The following SMAP1 variants were observed in gnomAD, a reference collection of about 807,000 sequenced individuals.
SMAP1 encodes the protein stromal membrane-associated protein 1.
SMAP1 carries 24 observed loss-of-function variants against 58.5 expected under a neutral mutation model. The ratio of observed to expected loss-of-function variants is 0.41; its 90% CI spans 0.30 to 0.58. The LOEUF is 0.58. Among genes scored for constraint, SMAP1 ranks in the 20% least tolerant of loss-of-function variants. The pLI is 0.29. For missense variants in SMAP1, 563 were observed against 566.3 expected, an observed-to-expected ratio of 0.99 and a Z score of 0.06; for synonymous variants, 216 against 196.6, an observed-to-expected ratio of 1.10 and a Z score of -0.82.
intron 1 of SMAP1, among the ~76,000 whole-genome samples, chr6:70,729,492 T>TGTGTGTGC (rs1765339913): frequency 6.6e-6 from 1 of 150,828 alleles, no homozygotes; most frequent in African/African-American, 2.4e-5. Flanking sequence ...TGTGTGTGTG[T>TGTGTGTGC]GTATGTGTGT....
At chr6:70,737,731 G>C (rs1765670882) in intron 2 of SMAP1, among the ~76,000 whole-genome samples, 2 of 152,114 alleles carry the variant, frequency 1.3e-5, no homozygotes. Flanking sequence ...ATCAGTCTTT[G>C]GTTTGATTAA....
intron 8 of SMAP1, among the ~76,000 whole-genome samples, chr6:70,852,982 C>G (rs952902563): frequency 6.6e-6 from 1 of 152,234 alleles, no homozygotes; most frequent in East Asian, 1.9e-4. Flanking sequence ...CTAACCCTTG[C>G]TTTAGGGAAA....
chr6:70,792,842 G>T (rs1172568287), intron 5 of SMAP1, among the ~76,000 whole-genome samples: 3 of 151,960 alleles, frequency 2.0e-5, no homozygotes, highest in Admixed American at 6.6e-5. Flanking sequence ...TAAGCGTTGG[G>T]GGGTGGGTGT....
intron 6 of SMAP1, among the ~76,000 whole-genome samples, chr6:70,811,824 G>A (rs1227090621): frequency 6.6e-6 from 1 of 152,166 alleles, no homozygotes. Context: ...AGGGCCAACT[G>A]TATCCAGTAG....
chr6:70,802,717 G>T (rs535327761), intron 6 of SMAP1, among the ~76,000 whole-genome samples: 3 of 152,128 alleles, frequency 2.0e-5, no homozygotes, highest in African/African-American at 7.2e-5. Flanking sequence ...TAGCATGAAG[G>T]GCTGTTGAAT....
Position 70,858,217 on chromosome 6 carries a change from G to C in SMAP1, c.1257G>C (p.Trp419Cys), listed in dbSNP as rs763794897. Residue 419 changes from tryptophan to cysteine, a missense_variant, in exon 10 of 11, where the codon TGG becomes TGC. By Grantham distance (215) the Trp-to-Cys change is radical. Transcript: ENST00000370455. ...FGLPQAQQPQWSLSQMNQQMA... is the reference protein window; with the variant it reads ...FGLPQAQQPQCSLSQMNQQMA... ...TGCCGCAAGCTCAGCAGCCCCAGTGGAGCCTCTCACAGGTAGGGGTCATTT... is the reference window on the plus strand; with the variant it reads ...TGCCGCAAGCTCAGCAGCCCCAGTGCAGCCTCTCACAGGTAGGGGTCATTT... The C allele has an allele frequency of 6.2e-7, 1 of 1,612,806 alleles. No homozygotes were observed. Among genetic ancestry groups the C allele is most frequent in the Non-Finnish European group, 8.5e-7 (1 of 1,179,688 alleles).
intron 1 of SMAP1, among the ~76,000 whole-genome samples, chr6:70,679,355 G>A (rs1056876199): frequency 6.6e-6 from 1 of 152,112 alleles, no homozygotes; most frequent in African/African-American, 2.4e-5. Context: ...AGAGTTGGGT[G>A]TATTTAAGAT....
At chr6:70,721,123 G>GAA in intron 1 of SMAP1, among the ~76,000 whole-genome samples, 1 of 152,142 alleles carries the variant, frequency 6.6e-6, no homozygotes, top group East Asian at 1.9e-4. Flanking sequence ...TTTCTCCCTA[G>GAA]AAAATGGGTT....
intron 3 of SMAP1, among the ~76,000 whole-genome samples, chr6:70,760,120 T>C (rs1766688387): frequency 6.6e-6 from 1 of 152,136 alleles, no homozygotes; most frequent in Non-Finnish European, 1.5e-5. Flanking sequence ...CTGCCACATT[T>C]AAGTCTTGAT....
chr6:70,717,632 A>G (rs1456904436), intron 1 of SMAP1, among the ~76,000 whole-genome samples: 1 of 152,184 alleles, frequency 6.6e-6, no homozygotes. Flanking sequence ...ATCTGTGTAT[A>G]CATGTTTATT....
chr6:70,740,635 C>T (rs956459466), intron 2 of SMAP1, among the ~76,000 whole-genome samples: 1 of 151,984 alleles, frequency 6.6e-6, no homozygotes, highest in Non-Finnish European at 1.5e-5. Flanking sequence ...AGTTTGGGGT[C>T]CTATCCTGGA....
At chr6:70,745,831 A>T (rs904895841) in intron 2 of SMAP1, among the ~76,000 whole-genome samples, 14 of 152,030 alleles carry the variant, frequency 9.2e-5, no homozygotes, top group African/African-American at 3.1e-4. Context: ...CCATTTGTTT[A>T]TGTCCTCTTT....
At chr6:70,784,134 T>A (rs928328454) in intron 4 of SMAP1, among the ~76,000 whole-genome samples, 33 of 152,112 alleles carry the variant, frequency 2.2e-4, no homozygotes, top group African/African-American at 8.0e-4. Context: ...CAGAAGAGAG[T>A]GGGGGCCAAT....
At chr6:70,787,526 G>T (rs1187875268) in intron 4 of SMAP1, among the ~76,000 whole-genome samples, 1 of 152,008 alleles carries the variant, frequency 6.6e-6, no homozygotes, top group Non-Finnish European at 1.5e-5. Context: ...TACAAAATGG[G>T]AGAAAATTTT....
At chr6:70,821,375 C>A (rs961955715) in intron 6 of SMAP1, among the ~76,000 whole-genome samples, 1 of 151,932 alleles carries the variant, frequency 6.6e-6, no homozygotes, top group South Asian at 2.1e-4. Flanking sequence ...ACATTTGAGT[C>A]GTTTCTGGCT....
At position 70,831,152 on chromosome 6, in the gene SMAP1, C is replaced by T. The variant is rs182818539; in HGVS notation, c.577-5789C>T. Among the ~76,000 whole-genome samples the T allele has an allele frequency of 1.9e-4, 29 of 152,330 alleles. 1 individual carries two copies. The highest frequency in any genetic ancestry group is 1.0e-3 in the Admixed American group (16 of 15,300). ...AGCTGAGGCCAGCCATGATTTTCCC[C>T]TTCAGTCAGAGACTGAGTACCTGTC... On this transcript the variant is annotated intron_variant, in intron 6 of 10. Transcript: ENST00000370455.
intron 1 of SMAP1, among the ~76,000 whole-genome samples, chr6:70,717,202 T>C (rs1216834025): frequency 1.3e-5 from 2 of 152,206 alleles, no homozygotes; most frequent in East Asian, 3.8e-4. Flanking sequence ...ATTCTATCTT[T>C]AGGGAGAAGC....
intron 2 of SMAP1, among the ~76,000 whole-genome samples, chr6:70,748,945 AC>A (rs1286414442): frequency 3.9e-5 from 6 of 152,092 alleles, no homozygotes; most frequent in African/African-American, 1.4e-4. Context: ...AAATCTTTTG[AC>A]CCATAGGTAG....
intron 2 of SMAP1, 91 bp from the exon 3 acceptor site, chr6:70,754,889 G>A (rs1766420712): frequency 3.3e-6 from 2 of 611,262 alleles, no homozygotes; most frequent in South Asian, 2.6e-5. Flanking sequence ...TAAATTATTT[G>A]GTATTTGTGT....
Sources: gnomAD v4.1 joint callset for allele counts (sites outside exome capture counted in the v4.1 genomes callset) on GRCh38, gnomAD v4.1.1 for gene constraint, MANE v1.5 for transcripts, NCBI Gene and HGNC (gene_info 2026-07-23, HGNC 2026-07-21) for gene names.